Variants in DSCAM observed in about 807,000 individuals in gnomAD.
The protein encoded by DSCAM is cell adhesion molecule DSCAM.
In DSCAM, 47 loss-of-function variants were observed where a neutral mutation model predicts 217.7. The observed-to-expected ratio is 0.22, with a 90% CI of 0.17 to 0.28. The LOEUF (loss-of-function observed/expected upper bound fraction) is 0.28, where lower values mean the gene tolerates loss of function less well. Among genes scored for constraint, DSCAM ranks in the 10% least tolerant of loss-of-function variants. DSCAM has a pLI of 1.00. For synonymous variants in DSCAM, 1,056 were observed against 1,015.3 expected, an observed-to-expected ratio of 1.04 and a Z score of -0.76; for missense variants, 2,080 against 2,618.3, an observed-to-expected ratio of 0.79 and a Z score of 4.49.
chr21:40,146,410 C>A (rs1233603493), intron 16 of DSCAM, among the ~76,000 whole-genome samples: 1 of 151,950 alleles, frequency 6.6e-6, no homozygotes, highest in Non-Finnish European at 1.5e-5. Context: ...CAAATGTGAC[C>A]GGGGGAGGGC....
At chr21:40,097,467 C>T (rs1431865571) in intron 20 of DSCAM, among the ~76,000 whole-genome samples, 1 of 152,048 alleles carries the variant, frequency 6.6e-6, no homozygotes, top group Non-Finnish European at 1.5e-5. Context: ...CAGAGAAAGA[C>T]TGACAAGGGC....
At chr21:40,576,403 C>T (rs1015276082) in intron 3 of DSCAM, among the ~76,000 whole-genome samples, 2 of 152,154 alleles carry the variant, frequency 1.3e-5, no homozygotes, top group African/African-American at 4.8e-5. Context: ...TGGGTGCAGG[C>T]TGGGACACTG....
At chr21:40,646,410 CAA>C (rs112111569) in intron 3 of DSCAM, among the ~76,000 whole-genome samples, 4,491 of 128,974 alleles carry the variant, frequency 0.035, 185 homozygotes, top group African/African-American at 0.12. Flanking sequence ...GAGACTCTGT[CAA>C]AAAAAAAAAA....
intron 3 of DSCAM, among the ~76,000 whole-genome samples, chr21:40,562,256 C>A (rs1272628493): frequency 6.6e-6 from 1 of 152,108 alleles, no homozygotes; most frequent in Non-Finnish European, 1.5e-5. Context: ...TGAGTGAATT[C>A]TCACGAGATC....
intron 3 of DSCAM, among the ~76,000 whole-genome samples, chr21:40,633,025 T>G (rs1267326896): frequency 6.6e-6 from 1 of 152,210 alleles, no homozygotes; most frequent in Non-Finnish European, 1.5e-5. Flanking sequence ...GGAACTTAAT[T>G]ATCCATTTCC....
chr21:40,244,321 G>T (rs1245182119), intron 11 of DSCAM, among the ~76,000 whole-genome samples: 3 of 151,998 alleles, frequency 2.0e-5, no homozygotes, highest in Non-Finnish European at 2.9e-5. Context: ...CATGGTGGTG[G>T]ACACCTATAA....
At chr21:40,621,354 G>C (rs1396775736) in intron 3 of DSCAM, 1 of 152,180 alleles carries the variant, frequency 6.6e-6, no homozygotes, top group East Asian at 1.9e-4. Context: ...TCTCCACATT[G>C]TGTCTTTGGG....
chr21:40,091,843 T>C (rs1048744884), intron 21 of DSCAM, among the ~76,000 whole-genome samples: 1 of 152,148 alleles, frequency 6.6e-6, no homozygotes, highest in African/African-American at 2.4e-5. Context: ...ACTTACTCAC[T>C]GTCATGAGAA....
At chr21:40,452,237 TACACACACAC>T (rs71186937) in intron 3 of DSCAM, among the ~76,000 whole-genome samples, 2 of 144,368 alleles carry the variant, frequency 1.4e-5, no homozygotes, top group Non-Finnish European at 3.0e-5. Flanking sequence ...TACACTATAT[TACACACACAC>T]ACACACACAC....
rs1027115409 is a variant in DSCAM at position 40,016,945 on chromosome 21, G to A, written c.5687-3559C>T. On this transcript the variant is annotated intron_variant, in intron 32 of 32. Coordinates refer to ENST00000400454, the MANE Select transcript of DSCAM (RefSeq NM_001389.5). This position sits in a 1 kb window ranked among gnomAD's most constrained non-coding sequence, Gnocchi z 4.3. ...AGCCAGGCCAAAATGGGGAAACCCCGTCTCTACTGAAAATAGAAAAATCAG... is the reference window on the plus strand; with the variant it reads ...AGCCAGGCCAAAATGGGGAAACCCCATCTCTACTGAAAATAGAAAAATCAG... 2.0e-5 allele frequency among the ~76,000 whole-genome samples: 3 copies of A among 152,066 alleles called. No individual in the cohort carries two copies. Among genetic ancestry groups the A allele is most frequent in the East Asian group, 1.9e-4 (1 of 5,184 alleles).
intron 1 of DSCAM, among the ~76,000 whole-genome samples, chr21:40,742,858 T>A (rs2091137308): frequency 6.6e-6 from 1 of 152,222 alleles, no homozygotes; most frequent in Non-Finnish European, 1.5e-5. Flanking sequence ...ATCATCATCA[T>A]CCTTTTAATT....
rs60565941 is a variant in DSCAM, at chr21:40,416,180, C to T, written c.509-46935G>A. ...ATTTAACGCTCTGCTTCATACCTGT[C>T]CTTCAAGGCTCTGCTCCTGCCCACT... On this transcript the variant is annotated intron_variant, in intron 3 of 32. Transcript: ENST00000400454. Among the ~76,000 whole-genome samples, 1,170 of 152,256 alleles carry T rather than the reference C, an allele frequency of 7.7e-3. 14 individuals are homozygous for T. Among genetic ancestry groups the T allele is most frequent in the African/African-American group, 0.026 (1,099 of 41,546 alleles).
intron 20 of DSCAM, among the ~76,000 whole-genome samples, chr21:40,106,277 G>T (rs1361958613): frequency 6.6e-6 from 1 of 152,164 alleles, no homozygotes; most frequent in East Asian, 1.9e-4. Context: ...CATGACACAT[G>T]GAGAAAATGT....
intron 1 of DSCAM, among the ~76,000 whole-genome samples, chr21:40,711,787 T>C (rs1293575104): frequency 6.6e-6 from 1 of 152,192 alleles, no homozygotes; most frequent in Non-Finnish European, 1.5e-5. Context: ...CTGAGACCGC[T>C]ATCATCAGAG....
intron 16 of DSCAM, among the ~76,000 whole-genome samples, chr21:40,153,499 A>C (rs2090446008): frequency 6.6e-6 from 1 of 152,192 alleles, no homozygotes; most frequent in South Asian, 2.1e-4. Context: ...GAATGGAGAG[A>C]GGCTCAAGTG....
chr21:40,715,802 T>G (rs1374635933), intron 1 of DSCAM, among the ~76,000 whole-genome samples: 1 of 152,016 alleles, frequency 6.6e-6, no homozygotes, highest in East Asian at 1.9e-4. Context: ...GATTCTTTTA[T>G]TTTTTTTCCC....
chr21:40,179,565 C>T (rs1400807533), intron 14 of DSCAM, among the ~76,000 whole-genome samples: 1 of 152,206 alleles, frequency 6.6e-6, no homozygotes, highest in African/African-American at 2.4e-5. Flanking sequence ...AACTTCAAGC[C>T]ATATCAGATC....
rs1201581510 is a variant in DSCAM at position 40,563,221 on chromosome 21, A to G, written c.508+129589T>C. ...CAGGACTCTCTCATTTTTTTTACTG[A>G]AAGTCATGCAACTGGTTAACTTCTC... is the stretch of plus-strand genomic sequence containing the variant. On this transcript the variant is annotated intron_variant, in intron 3 of 32. Transcript: ENST00000400454. 3.3e-5 allele frequency among the ~76,000 whole-genome samples: 5 copies of G among 152,050 alleles called. No homozygotes were observed. In the South Asian group the frequency reaches 8.3e-4, roughly 25 times the overall value.
At chr21:40,108,345 C>T (rs1381483323) in intron 20 of DSCAM, among the ~76,000 whole-genome samples, 9 of 152,134 alleles carry the variant, frequency 5.9e-5, no homozygotes, top group Admixed American at 6.6e-5. Context: ...ACTAGCATTC[C>T]TATCCTCTAA....
Sources: allele counts gnomAD v4.1 joint callset (sites outside exome capture counted in the v4.1 genomes callset), GRCh38; gene constraint gnomAD v4.1.1; non-coding constraint Gnocchi (gnomAD v3.1); transcripts MANE v1.5; gene names NCBI Gene and HGNC (gene_info 2026-07-23, HGNC 2026-07-21).